The following PHF21B variants were observed in gnomAD, a reference collection of about 807,000 sequenced individuals.
The protein encoded by PHF21B is PHD finger protein 21B.
PHF21B carries 22 observed loss-of-function variants against 62.2 expected under a neutral mutation model. That is an observed-to-expected ratio of 0.35 (90% CI 0.25 to 0.51). PHF21B has a LOEUF of 0.51. Ranked by LOEUF, PHF21B falls within the 20% of genes least tolerant of loss-of-function variation. The pLI is 0.97. For missense variants in PHF21B, 701 were observed against 707.9 expected, an observed-to-expected ratio of 0.99 and a Z score of 0.11; for synonymous variants, 341 against 314.7, an observed-to-expected ratio of 1.08 and a Z score of -0.88.
rs557684878 is a variant in PHF21B, at chr22:44,883,014, C to T, written c.*72G>A. ...ATTCATAGTGTTTATGAATTAAGGC[C>T]GACAGAACCCCCAGGCTGTGTAAGC... On this transcript the variant is annotated 3_prime_UTR_variant, in exon 13 of 13. Coordinates refer to ENST00000313237, the MANE Select transcript of PHF21B (RefSeq NM_138415.5). 4.9e-5 allele frequency: 72 copies of T among 1,465,538 alleles called. No individual in the cohort carries two copies. The highest frequency in any genetic ancestry group is 2.5e-4 in the African/African-American group (18 of 71,202). 90.8% of individuals were successfully genotyped at this position (1,465,538 alleles called of 1,614,324 possible).
chr22:44,998,576 G>T, intron 2 of PHF21B, among the ~76,000 whole-genome samples: 1 of 152,072 alleles, frequency 6.6e-6, no homozygotes, highest in East Asian at 1.9e-4. Context: ...TAAGCCATCA[G>T]GCCAAGGCGG....
intron 2 of PHF21B, among the ~76,000 whole-genome samples, chr22:45,007,621 C>T (rs2073345805): frequency 6.9e-6 from 1 of 144,592 alleles, no homozygotes; most frequent in Admixed American, 6.9e-5. Flanking sequence ...CCGTGCCCGC[C>T]ACAGCGGTGC....
chr22:44,948,508 C>A (rs1349912348), intron 2 of PHF21B, among the ~76,000 whole-genome samples: 1 of 151,076 alleles, frequency 6.6e-6, no homozygotes, highest in Non-Finnish European at 1.5e-5. Context: ...ACGGCAAAAT[C>A]CATCTCTACT....
At chr22:44,999,958 G>A (rs1344746761) in intron 2 of PHF21B, among the ~76,000 whole-genome samples, 3 of 152,206 alleles carry the variant, frequency 2.0e-5, no homozygotes, top group Admixed American at 6.5e-5. Flanking sequence ...CTAATCCTGC[G>A]GCCTCTCGAA....
chr22:44,955,226 C>G (rs78791506), intron 2 of PHF21B, among the ~76,000 whole-genome samples: 2,767 of 152,302 alleles, frequency 0.018, 89 homozygotes, highest in African/African-American at 0.062. Flanking sequence ...CTGGGAGGAG[C>G]ACACAGCACC....
intron 2 of PHF21B, among the ~76,000 whole-genome samples, chr22:44,959,962 C>T (rs1043614257): frequency 1.3e-5 from 2 of 152,204 alleles, no homozygotes; most frequent in African/African-American, 2.4e-5. Context: ...CTCCAGGAAG[C>T]GCTCTGAGCA....
At chr22:44,893,203 G>A (rs1601570714) in intron 7 of PHF21B, among the ~76,000 whole-genome samples, 1 of 151,720 alleles carries the variant, frequency 6.6e-6, no homozygotes, top group African/African-American at 2.4e-5. Flanking sequence ...TACCTCACAC[G>A]AAGCCACGCC....
chr22:44,910,633 G>A (rs6007384), intron 5 of PHF21B, among the ~76,000 whole-genome samples: 4 of 152,028 alleles, frequency 2.6e-5, no homozygotes, highest in Admixed American at 1.3e-4. Context: ...GATGTAACTT[G>A]CTCCTTCTTT....
chr22:44,921,303 G>C (rs1015405892), intron 2 of PHF21B, among the ~76,000 whole-genome samples: 2 of 152,076 alleles, frequency 1.3e-5, no homozygotes, highest in African/African-American at 4.8e-5. Context: ...CTTGTCTAAA[G>C]TCTCCTTTTG....
intron 2 of PHF21B, among the ~76,000 whole-genome samples, chr22:45,007,176 G>C (rs1179951018): frequency 6.6e-6 from 1 of 151,394 alleles, no homozygotes; most frequent in Non-Finnish European, 1.5e-5. Context: ...CGGCGGCCCA[G>C]ACCAGGCGCG....
At chr22:44,920,542 A>C (rs774843122) in intron 2 of PHF21B, 52 bp from the exon 3 acceptor site, 47 of 1,439,678 alleles carry the variant, frequency 3.3e-5, no homozygotes, top group Non-Finnish European at 4.3e-5. Context: ...CTGAGACCGA[A>C]TCCGTTGCCC....
chr22:44,931,175 C>T (rs985308382), intron 2 of PHF21B, among the ~76,000 whole-genome samples: 2 of 152,212 alleles, frequency 1.3e-5, no homozygotes, highest in Non-Finnish European at 2.9e-5. Flanking sequence ...CCATCTCGGC[C>T]TCCCAAAGTG....
Position 44,905,743 on chromosome 22 carries a change from C to T in PHF21B, c.831+8079G>A, listed in dbSNP as rs965975315. Among the ~76,000 whole-genome samples, 11 of 152,332 alleles carry T rather than the reference C, an allele frequency of 7.2e-5. 2 individuals carry two copies. On this transcript the variant is annotated intron_variant, in intron 5 of 12. Coordinates refer to ENST00000313237, the MANE Select transcript of PHF21B (RefSeq NM_138415.5). ...TCCCGGGTTCACACCATTCTCCTGC[C>T]TCAGCCTCCTGAGTAGCTGGGACTA...
At chr22:45,006,209 C>T (rs2073311250) in intron 2 of PHF21B, among the ~76,000 whole-genome samples, 1 of 152,174 alleles carries the variant, frequency 6.6e-6, no homozygotes, top group Non-Finnish European at 1.5e-5. Flanking sequence ...TATAAAATGC[C>T]ACAAAGGGAA....
At chr22:44,913,107 T>C (rs1420809244) in intron 5 of PHF21B, among the ~76,000 whole-genome samples, 1 of 152,116 alleles carries the variant, frequency 6.6e-6, no homozygotes, top group African/African-American at 2.4e-5. Flanking sequence ...GCATCCACTA[T>C]GTATTTGGAT....
At chr22:44,974,333 G>A (rs1251004679) in intron 2 of PHF21B, among the ~76,000 whole-genome samples, 3 of 151,682 alleles carry the variant, frequency 2.0e-5, no homozygotes, top group Non-Finnish European at 4.4e-5. Context: ...AGGGTCACTT[G>A]AGGCCAGGAG....
At chr22:44,893,283 A>C (rs2070998326) in intron 7 of PHF21B, among the ~76,000 whole-genome samples, 174 bp downstream of exon 7, 1 of 152,016 alleles carries the variant, frequency 6.6e-6, no homozygotes, top group African/African-American at 2.4e-5. Flanking sequence ...TTGACTGTCA[A>C]CTCGGAGGTG....
At chr22:44,971,822 A>G (rs1299350599) in intron 2 of PHF21B, among the ~76,000 whole-genome samples, 1 of 152,188 alleles carries the variant, frequency 6.6e-6, no homozygotes, top group Non-Finnish European at 1.5e-5. Context: ...CTGTCTCCCA[A>G]GCTCAGCCTC....
At chr22:44,917,141 C>T (rs2071451781) in intron 3 of PHF21B, among the ~76,000 whole-genome samples, 1 of 152,190 alleles carries the variant, frequency 6.6e-6, no homozygotes, top group African/African-American at 2.4e-5. Flanking sequence ...CGCGTGACTG[C>T]GGCGGGCCTG....
Sources: allele counts gnomAD v4.1 joint callset (sites outside exome capture counted in the v4.1 genomes callset), GRCh38; gene constraint gnomAD v4.1.1; transcripts MANE v1.5; gene names NCBI Gene and HGNC (gene_info 2026-07-23, HGNC 2026-07-21).